UBR3: variants seen among roughly 807,000 people sequenced by gnomAD.
UBR3 encodes ubiquitin protein ligase E3 component n-recognin 3.
Under a neutral mutation model 243.2 loss-of-function variants are expected in UBR3, and 85 were observed. The observed-to-expected ratio is 0.35, with a 90% CI of 0.29 to 0.42. UBR3 has a LOEUF of 0.42. Among genes scored for constraint, UBR3 ranks in the 10% least tolerant of loss-of-function variants. The pLI, the probability that UBR3 is intolerant of heterozygous loss-of-function variation, is 1.00. For synonymous variants in UBR3, 748 were observed against 799.8 expected (o/e 0.94, Z 1.09); for missense variants, 1,686 against 2,300.8 (o/e 0.73, Z 5.47).
At chr2:169,933,992 ACTCC>A (rs1045272823) in intron 19 of UBR3, among the ~76,000 whole-genome samples, 1 of 152,058 alleles carries the variant, frequency 6.6e-6, no homozygotes. Flanking sequence ...TGGTTTCTTA[ACTCC>A]CTCTTTTTCT....
Position 170,055,566 on chromosome 2 carries a change from C to G in UBR3, c.4767C>G (p.His1589Gln), listed in dbSNP as rs745631433. 6.2e-7 allele frequency: 1 copy of G among 1,613,316 alleles called. No individual in the cohort carries two copies. The highest frequency in any genetic ancestry group is 1.1e-5 in the South Asian group (1 of 91,054). ...CSEEDRSAWKHAGALKKSTCD... is the reference protein window; with the variant it reads ...CSEEDRSAWKQAGALKKSTCD... ...AAGAAGATAGGTCAGCCTGGAAACA[C>G]GCGGGAGCTCTCAAAAAGGTTAGGC... is the stretch of plus-strand genomic sequence containing the variant. Residue 1589 changes from histidine to glutamine, a missense_variant, in exon 33 of 39, where the codon CAC (histidine) becomes CAG (glutamine). By Grantham distance (24) the His-to-Gln change is conservative. Around this residue, in one of 8 missense-constraint regions of UBR3, gnomAD observed 371 missense variants for 422.5 expected, o/e 0.88. Transcript: ENST00000272793.
chr2:169,977,490 G>A (rs982500270), intron 24 of UBR3, among the ~76,000 whole-genome samples: 1 of 152,148 alleles, frequency 6.6e-6, no homozygotes, highest in African/African-American at 2.4e-5. Flanking sequence ...GAGACTGAAG[G>A]CCTGCAAACC....
chr2:169,924,443 G>A (rs2085826916), intron 13 of UBR3, among the ~76,000 whole-genome samples: 1 of 152,130 alleles, frequency 6.6e-6, no homozygotes, highest in South Asian at 2.1e-4. Flanking sequence ...TGGGAGTCAG[G>A]AGATCCAAAA....
Position 170,010,348 on chromosome 2 carries a change from T to C in UBR3, c.4367+1408T>C, listed in dbSNP as rs528277706. Among the ~76,000 whole-genome samples the C allele has an allele frequency of 6.8e-4, 103 of 151,874 alleles. 2 individuals are homozygous for C. The South Asian group carries it at 0.021, about 31-fold the overall frequency. The stretch of plus-strand genomic sequence containing the variant: ...GATCAACTCAGTTCTGTTATACATA[T>C]TTATACACAATCACAGACCTACACA... On this transcript the variant is annotated intron_variant, in intron 29 of 38. Coordinates refer to ENST00000272793, the MANE Select transcript of UBR3 (RefSeq NM_172070.4).
At chr2:169,962,562 T>C (rs2087627934) in intron 24 of UBR3, among the ~76,000 whole-genome samples, 1 of 152,224 alleles carries the variant, frequency 6.6e-6, no homozygotes, top group African/African-American at 2.4e-5. Context: ...TTTTATTCTC[T>C]TTTGGGACTC....
chr2:169,924,415 T>C (rs978933692), intron 13 of UBR3, among the ~76,000 whole-genome samples: 1 of 152,210 alleles, frequency 6.6e-6, no homozygotes, highest in Non-Finnish European at 1.5e-5. Context: ...GTATTTAACA[T>C]ACTATATAGC....
intron 1 of UBR3, among the ~76,000 whole-genome samples, chr2:169,849,591 G>C (rs1043783109): frequency 2.0e-5 from 3 of 152,076 alleles, no homozygotes; most frequent in African/African-American, 7.2e-5. Flanking sequence ...CACGGTGCCC[G>C]GCCTGATTTT....
Position 169,906,015 on chromosome 2 carries a change from C to A in UBR3, c.1646-16C>A. 1 of 1,548,176 alleles carries A rather than the reference C, an allele frequency of 6.5e-7. No homozygotes were observed. Among genetic ancestry groups the A allele is most frequent in the Non-Finnish European group, 8.7e-7 (1 of 1,145,894 alleles). The stretch of plus-strand genomic sequence containing the variant: ...TTCCACTTGACAAGGTTTATATCTG[C>A]TTTAATTTTTGCCAGGTATGAACTT... On this transcript the variant is annotated splice_polypyrimidine_tract_variant and intron_variant, in intron 9 of 38. Transcript: ENST00000272793.
chr2:169,994,263 G>A, intron 25 of UBR3, 60 bp from the exon 26 acceptor site: 1 of 1,553,886 alleles, frequency 6.4e-7, no homozygotes, highest in Non-Finnish European at 8.8e-7. Flanking sequence ...GCTTTTCTTG[G>A]AGTTACAGGT....
At chr2:169,913,337 T>G (rs2085329217) in intron 10 of UBR3, among the ~76,000 whole-genome samples, 1 of 147,424 alleles carries the variant, frequency 6.8e-6, no homozygotes, top group Non-Finnish European at 1.5e-5. Context: ...CTTTGCCTGT[T>G]TTTTTTTGTT....
chr2:170,046,058 C>T (rs2091079998), intron 32 of UBR3, among the ~76,000 whole-genome samples: 1 of 150,306 alleles, frequency 6.7e-6, no homozygotes. Context: ...CCTCTGCCTC[C>T]TGGGTTCAAG....
In UBR3 at chr2:169,914,090, A is replaced by T; in HGVS notation, c.1810A>T (p.Arg604Ter). 6.6e-7 allele frequency: 1 copy of T among 1,508,176 alleles called. No individual in the cohort carries two copies. Among genetic ancestry groups the T allele is most frequent in the African/African-American group, 1.4e-5 (1 of 71,412 alleles). 93.4% of individuals were successfully genotyped at this position (1,508,176 alleles called of 1,614,324 possible). The change falls in exon 11 of 39, where the codon AGA becomes TGA. Residue 604 changes from arginine (R) to a stop codon, truncating the protein, a stop_gained. Transcript: ENST00000272793. LOFTEE classifies it high-confidence loss of function. Reference sequence around the variant, plus strand: ...TCAAGAGTATACCCGAAATGTTGTTAGATATTGCCTTGAAGCTCTTCAAGA... The same window carrying T: ...TCAAGAGTATACCCGAAATGTTGTTTGATATTGCCTTGAAGCTCTTCAAGA... ...ETQEYTRNVVRYCLEALQDWF... is the reference protein window; with the variant it reads ...ETQEYTRNVV
intron 18 of UBR3, among the ~76,000 whole-genome samples, chr2:169,932,364 C>T (rs2086167514): frequency 6.6e-6 from 1 of 152,146 alleles, no homozygotes; most frequent in Non-Finnish European, 1.5e-5. Context: ...AGGCATGAGC[C>T]ACCGTGTCCA....
At chr2:170,021,357 C>T (rs1203522600) in intron 30 of UBR3, among the ~76,000 whole-genome samples, 1 of 152,048 alleles carries the variant, frequency 6.6e-6, no homozygotes, top group Non-Finnish European at 1.5e-5. Context: ...GATCTGGAGG[C>T]TGGGAAGTCT....
intron 22 of UBR3, 52 bp from the exon 23 acceptor site, chr2:169,949,553 G>C: frequency 7.1e-7 from 1 of 1,416,806 alleles, no homozygotes; most frequent in Non-Finnish European, 9.4e-7. Context: ...TTTTTAAAAT[G>C]ATGCTAAATA....
At chr2:169,960,853 C>G (rs964200713) in intron 24 of UBR3, among the ~76,000 whole-genome samples, 4 of 152,036 alleles carry the variant, frequency 2.6e-5, no homozygotes, top group African/African-American at 9.7e-5. Context: ...GAGTACAAGA[C>G]TAGATAATGT....
chr2:169,852,301 G>T (rs1461961752), intron 1 of UBR3, among the ~76,000 whole-genome samples: 3 of 152,218 alleles, frequency 2.0e-5, no homozygotes, highest in African/African-American at 7.2e-5. Context: ...TTTGATAAAT[G>T]AGATTAGGTA....
At chr2:169,835,644 T>C (rs1236210270) in intron 1 of UBR3, among the ~76,000 whole-genome samples, 1 of 152,104 alleles carries the variant, frequency 6.6e-6, no homozygotes, top group Non-Finnish European at 1.5e-5. Context: ...TTTCACCATA[T>C]TGGTCAGGCT....
At chr2:169,954,685 C>G (rs1418283717) in intron 23 of UBR3, among the ~76,000 whole-genome samples, 11 of 150,878 alleles carry the variant, frequency 7.3e-5, no homozygotes, top group South Asian at 2.1e-4. Context: ...AAACAGTTCT[C>G]TGCCTCAGCC....
Sources: gnomAD v4.1 joint callset for allele counts (sites outside exome capture counted in the v4.1 genomes callset) on GRCh38, gnomAD v4.1.1 for gene constraint, gnomAD v4.1.1 regional missense constraint, MANE v1.5 for transcripts, NCBI Gene and HGNC (gene_info 2026-07-23, HGNC 2026-07-21) for gene names.